The following BUB1B variants were observed in gnomAD, a reference collection of about 807,000 sequenced individuals.
The protein encoded by BUB1B is mitotic checkpoint serine/threonine-protein kinase BUB1 beta.
BUB1B carries 86 observed loss-of-function variants against 137.7 expected under a neutral mutation model. The ratio of observed to expected loss-of-function variants is 0.62; its 90% CI spans 0.52 to 0.75. The LOEUF (loss-of-function observed/expected upper bound fraction) is 0.75, where lower values mean the gene tolerates loss of function less well. Among genes scored for constraint, BUB1B ranks in the 30% least tolerant of loss-of-function variants. The pLI is 0.00. For synonymous variants in BUB1B, 420 were observed against 417.9 expected, an observed-to-expected ratio of 1.00 and a Z score of -0.06; for missense variants, 1,130 against 1,236.9, an observed-to-expected ratio of 0.91 and a Z score of 1.30.
intron 1 of BUB1B, among the ~76,000 whole-genome samples, chr15:40,163,331 C>G (rs1036924347): frequency 6.6e-6 from 1 of 152,104 alleles, no homozygotes. Context: ...CCCAGCACTT[C>G]GGGAGGCTGA....
chr15:40,198,630 C>G (rs1195949486), intron 9 of BUB1B, among the ~76,000 whole-genome samples: 5 of 152,096 alleles, frequency 3.3e-5, no homozygotes, highest in African/African-American at 1.2e-4. Context: ...CATTTTTTCC[C>G]TCTTCTTTCA....
At chr15:40,193,560 C>G (rs2037462942) in intron 8 of BUB1B, among the ~76,000 whole-genome samples, 1 of 145,560 alleles carries the variant, frequency 6.9e-6, no homozygotes, top group Non-Finnish European at 1.5e-5. Context: ...CTTATCCATC[C>G]TGGTAGTTGG....
At chr15:40,173,910 T>G (rs552420890) in intron 4 of BUB1B, 4 of 401,240 alleles carry the variant, frequency 1.0e-5, no homozygotes, top group African/African-American at 4.3e-5. Context: ...TCAGTTATTT[T>G]ATGTGACTCC....
At chr15:40,194,943 C>A (rs976778047) in intron 8 of BUB1B, among the ~76,000 whole-genome samples, 2 of 152,120 alleles carry the variant, frequency 1.3e-5, no homozygotes, top group African/African-American at 4.8e-5. Flanking sequence ...AATTTCCTTC[C>A]TTATCATAGC....
At position 40,161,186 on chromosome 15, in the gene BUB1B, T is replaced by TGCA; in HGVS notation, c.-30_-28dup. Reference sequence around the variant, plus strand: ...CGGTCTGTGGCCCAGAGGAAAGGCCTGCAGCAGGACGAGGACCTGAGCCAG... The same window carrying TGCA: ...CGGTCTGTGGCCCAGAGGAAAGGCCTGCAGCAGCAGGACGAGGACCTGAGCCAG... On this transcript the variant is annotated 5_prime_UTR_variant, in exon 1 of 23. Transcript: ENST00000287598. 2 of 1,611,140 alleles carry TGCA rather than the reference T, an allele frequency of 1.2e-6. No homozygotes were observed. Among genetic ancestry groups the TGCA allele is most frequent in the Admixed American group, 3.4e-5 (2 of 59,698 alleles).
intron 9 of BUB1B, among the ~76,000 whole-genome samples, chr15:40,197,878 G>A (rs1464611904): frequency 6.6e-6 from 1 of 152,128 alleles, no homozygotes; most frequent in Non-Finnish European, 1.5e-5. Context: ...TTTTAAAAAA[G>A]GAGAACCACT....
chr15:40,179,443 G>T (rs868453777), intron 5 of BUB1B, among the ~76,000 whole-genome samples: 1 of 152,074 alleles, frequency 6.6e-6, no homozygotes, highest in East Asian at 1.9e-4. Context: ...GCAGTGGAGG[G>T]TTATATACCA....
chr15:40,171,204 T>C (rs1445296049), intron 4 of BUB1B, among the ~76,000 whole-genome samples: 1 of 152,222 alleles, frequency 6.6e-6, no homozygotes, highest in Non-Finnish European at 1.5e-5. Flanking sequence ...CCCAAAGTGC[T>C]GGGATTATAG....
intron 2 of BUB1B, among the ~76,000 whole-genome samples, chr15:40,169,711 C>A (rs28485685): frequency 0.057 from 8,214 of 144,848 alleles, 731 homozygotes; most frequent in African/African-American, 0.2. Flanking sequence ...CTTCCAGGTT[C>A]AAGTGCTCTT....
At chr15:40,162,841 G>A (rs576028218) in intron 1 of BUB1B, among the ~76,000 whole-genome samples, 1 of 152,110 alleles carries the variant, frequency 6.6e-6, no homozygotes, top group African/African-American at 2.4e-5. Flanking sequence ...AACAAACAGG[G>A]CATAATAGTG....
Position 40,199,599 on chromosome 15 carries a change from A to G in BUB1B, c.1289-16A>G, listed in dbSNP as rs2037538976. 1 of 1,607,898 alleles carries G rather than the reference A, an allele frequency of 6.2e-7. No homozygotes were observed. Among genetic ancestry groups the G allele is most frequent in the Admixed American group, 1.7e-5 (1 of 59,970 alleles). ...ACTATGAGGAATAATACCTCAAGCA[A>G]CTTTACTGTTTCTAGCCGAGCTATT... is the stretch of plus-strand genomic sequence containing the variant. On this transcript the variant is annotated splice_polypyrimidine_tract_variant and intron_variant, in intron 9 of 22. Coordinates refer to ENST00000287598, the MANE Select transcript of BUB1B (RefSeq NM_001211.6).
intron 4 of BUB1B, among the ~76,000 whole-genome samples, chr15:40,172,268 A>C (rs1468107316): frequency 1.3e-5 from 2 of 152,044 alleles, no homozygotes; most frequent in Non-Finnish European, 2.9e-5. Context: ...CTAAAGTCTT[A>C]AGGAGGACTG....
At chr15:40,175,202 G>A (rs957423389) in intron 4 of BUB1B, among the ~76,000 whole-genome samples, 1 of 152,126 alleles carries the variant, frequency 6.6e-6, no homozygotes, top group Non-Finnish European at 1.5e-5. Flanking sequence ...ATTTTTTATA[G>A]AATTATTTAT....
Position 40,213,417 on chromosome 15 carries a change from AC to A in BUB1B, c.2622del (p.His874GlnfsTer5). On this transcript the variant is annotated frameshift_variant, in exon 20 of 23. Coordinates refer to ENST00000287598, the MANE Select transcript of BUB1B (RefSeq NM_001211.6). LOFTEE classifies it high-confidence loss of function. ...YNLLTIVEMLHKAEIVHGDLS... is the reference protein window; with the variant it reads ...YNLLTIVEMLXKAEIVHGDLS... ...CTTTTGACAATAGTGGAGATGCTAC[AC>A]AAAGCAGAAATAGTCCATGGTGACT... 2 of 1,614,240 alleles carry A rather than the reference AC, an allele frequency of 1.2e-6. No individual in the cohort carries two copies. Among genetic ancestry groups the A allele is most frequent in the Non-Finnish European group, 1.7e-6 (2 of 1,180,030 alleles).
chr15:40,180,193 T>C (rs1168102402), intron 5 of BUB1B, among the ~76,000 whole-genome samples: 1 of 151,478 alleles, frequency 6.6e-6, no homozygotes, highest in African/African-American at 2.4e-5. Flanking sequence ...CTTCATTTCA[T>C]CTTCTTTCCT....
chr15:40,165,156 C>G lies in BUB1B; in HGVS notation c.139C>G (p.Gln47Glu). Residue 47 changes from glutamine to glutamate, a missense_variant, in exon 2 of 23, where the codon CAA becomes GAA. Physicochemically the swap from Gln to Glu is conservative, Grantham distance 29 (BLOSUM62 2). Transcript: ENST00000287598. Reference protein sequence around the residue: ...IMSTLQGALAQESACNNTLQQ... With the variant: ...IMSTLQGALAEESACNNTLQQ... Reference sequence around the variant, plus strand: ...GTCCACGCTTCAGGGAGCACTGGCACAAGAATCTGCCTGTAACAATACTCT... The same window carrying G: ...GTCCACGCTTCAGGGAGCACTGGCAGAAGAATCTGCCTGTAACAATACTCT... The G allele has an allele frequency of 6.2e-7, 1 of 1,614,156 alleles. No individual in the cohort carries two copies. The highest frequency in any genetic ancestry group is 8.5e-7 in the Non-Finnish European group (1 of 1,180,034).
chr15:40,213,590 C>CA (rs2037740686), intron 20 of BUB1B, 116 bp downstream of exon 20: 2 of 1,155,820 alleles, frequency 1.7e-6, no homozygotes, highest in Non-Finnish European at 2.5e-6. Context: ...GGTTGGAGTA[C>CA]AGTGGCATGA....
At chr15:40,183,607 C>A (rs148957803) in intron 5 of BUB1B, 107 bp from the exon 6 acceptor site, 2 of 975,760 alleles carry the variant, frequency 2.0e-6, no homozygotes, top group African/African-American at 1.6e-5. Flanking sequence ...TTTCTGCATT[C>A]TTCCCCCAGC....
chr15:40,176,770 T>C, intron 5 of BUB1B, 97 bp downstream of exon 5: 1 of 1,315,990 alleles, frequency 7.6e-7, no homozygotes, highest in Non-Finnish European at 1.1e-6. Flanking sequence ...TGGATTGGCA[T>C]GTTAAGTTTA....
Sources: allele counts gnomAD v4.1 joint callset (sites outside exome capture counted in the v4.1 genomes callset), GRCh38; gene constraint gnomAD v4.1.1; transcripts MANE v1.5; gene names NCBI Gene and HGNC (gene_info 2026-07-23, HGNC 2026-07-21).